The following MTA3 variants were observed in gnomAD, a reference collection of about 807,000 sequenced individuals.
The protein encoded by MTA3 is metastasis-associated protein MTA3.
In MTA3, 34 loss-of-function variants were observed where a neutral mutation model predicts 83.5. That is an observed-to-expected ratio of 0.41 (90% CI 0.31 to 0.54). The LOEUF (loss-of-function observed/expected upper bound fraction) is 0.54. Among genes scored for constraint, MTA3 ranks in the 20% least tolerant of loss-of-function variants. MTA3 has a pLI of 0.33. For missense variants in MTA3, 761 were observed against 726.4 expected (o/e 1.05, Z -0.55); for synonymous variants, 303 against 252.7 (o/e 1.20, Z -1.89).
chr2:42,540,601 G>A (rs375391089), intron 2 of MTA3, among the ~76,000 whole-genome samples: 15 of 152,054 alleles, frequency 9.9e-5, no homozygotes, highest in African/African-American at 3.1e-4. Context: ...TTGGAAGGCC[G>A]AGGCAGGAGG....
In MTA3 at chr2:42,729,095, T is replaced by G. The variant is rs986585172; in HGVS notation, c.1759+6060T>G. Reference sequence around the variant, plus strand: ...TAGTTTCACAGTTTGAGTTTTTTTTTTTTTTTTTTTTTTTTTTTCACAGAG... The same window carrying G: ...TAGTTTCACAGTTTGAGTTTTTTTTGTTTTTTTTTTTTTTTTTTCACAGAG... On this transcript the variant is annotated intron_variant, in intron 16 of 16. Transcript: ENST00000405094. Among the ~76,000 whole-genome samples, 2 of 119,680 alleles carry G rather than the reference T, an allele frequency of 1.7e-5. 1 individual carries two copies. The highest frequency in any genetic ancestry group is 3.5e-5 in the Non-Finnish European group (2 of 57,938). The allele number at this position is 119,680 out of a possible 152,430, so 78.5% of individuals were successfully genotyped here. A position where few individuals can be genotyped will look rare whatever the true frequency, so the allele number is the denominator to read the frequency against.
chr2:42,611,318 C>T (rs1290037198), intron 4 of MTA3, among the ~76,000 whole-genome samples: 2 of 113,330 alleles, frequency 1.8e-5, no homozygotes, highest in African/African-American at 3.9e-5. Flanking sequence ...TGGTACTTAA[C>T]ACATACACAC....
rs113084761 is a variant in MTA3 at position 42,592,282 on chromosome 2, C to G, written c.190+13082C>G. The stretch of plus-strand genomic sequence containing the variant: ...ATCTCAAAAACAAAACAAAACAAAA[C>G]AAAAAACCAATTCATTTATGGCTGG... On this transcript the variant is annotated intron_variant, in intron 3 of 16. Transcript: ENST00000405094. 8.8e-3 allele frequency among the ~76,000 whole-genome samples: 1,330 copies of G among 151,518 alleles called. 25 individuals carry two copies. Among genetic ancestry groups the G allele is most frequent in the African/African-American group, 0.031 (1,262 of 41,376 alleles).
At chr2:42,574,435 C>CA (rs1295979387) in intron 2 of MTA3, among the ~76,000 whole-genome samples, 4 of 148,152 alleles carry the variant, frequency 2.7e-5, no homozygotes, top group Non-Finnish European at 4.5e-5. Context: ...CTCCTTTTCT[C>CA]AAAATAACTG....
chr2:42,642,320 A>G (rs1471092068), intron 5 of MTA3, among the ~76,000 whole-genome samples: 2 of 152,100 alleles, frequency 1.3e-5, no homozygotes, highest in Non-Finnish European at 2.9e-5. Flanking sequence ...CCATGCTAAT[A>G]GGTTTTACAG....
chr2:42,595,355 C>A (rs1388732338), intron 3 of MTA3, among the ~76,000 whole-genome samples: 1 of 151,908 alleles, frequency 6.6e-6, no homozygotes, highest in African/African-American at 2.4e-5. Flanking sequence ...CGTGATCTGC[C>A]TGCCTCGGCC....
At chr2:42,723,190 C>A in intron 16 of MTA3, 155 bp downstream of exon 16, 1 of 909,222 alleles carries the variant, frequency 1.1e-6, no homozygotes, top group Non-Finnish European at 1.6e-6. Flanking sequence ...AGCCATATGC[C>A]ACATTTTGCC....
chr2:42,751,432 A>G (rs1428845546), intron 16 of MTA3, among the ~76,000 whole-genome samples: 1 of 152,204 alleles, frequency 6.6e-6, no homozygotes, highest in Non-Finnish European at 1.5e-5. Flanking sequence ...TGCCTGTGCT[A>G]CTGTGCTGAG....
chr2:42,717,603 C>T (rs1446556333), intron 14 of MTA3, among the ~76,000 whole-genome samples: 1 of 152,068 alleles, frequency 6.6e-6, no homozygotes, highest in East Asian at 1.9e-4. Flanking sequence ...TAGCTAATAC[C>T]CATCCTCACT....
At chr2:42,738,268 C>G (rs1354492599) in intron 16 of MTA3, among the ~76,000 whole-genome samples, 1 of 151,980 alleles carries the variant, frequency 6.6e-6, no homozygotes, top group Non-Finnish European at 1.5e-5. Flanking sequence ...AGTCAGGGAC[C>G]CCAAACAGAG....
chr2:42,600,190 T>C (rs559746654), intron 3 of MTA3, among the ~76,000 whole-genome samples: 1 of 152,234 alleles, frequency 6.6e-6, no homozygotes, highest in Admixed American at 6.5e-5. Flanking sequence ...AGAGCGAGAC[T>C]CTGTCTCAAA....
At chr2:42,577,091 T>TAAAAAAAA (rs1173783991) in intron 2 of MTA3, among the ~76,000 whole-genome samples, 1,296 of 18,672 alleles carry the variant, frequency 0.069, 64 homozygotes, top group Non-Finnish European at 0.076. Flanking sequence ...GTACTCCATC[T>TAAAAAAAA]AAAAAAAAAA....
chr2:42,580,061 A>G (rs1168824425), intron 3 of MTA3, among the ~76,000 whole-genome samples: 1 of 152,100 alleles, frequency 6.6e-6, no homozygotes, highest in African/African-American at 2.4e-5. Flanking sequence ...CCCCCACCTC[A>G]GCCTCCAGAG....
intron 11 of MTA3, 158 bp from the exon 12 acceptor site, chr2:42,704,036 T>G: frequency 1.3e-6 from 1 of 771,356 alleles, no homozygotes. Context: ...TAGTGTGAGT[T>G]CATTTAACAC....
At chr2:42,718,934 C>G (rs1168680324) in intron 14 of MTA3, 54 bp from the exon 15 acceptor site, 2 of 1,321,974 alleles carry the variant, frequency 1.5e-6, no homozygotes, top group African/African-American at 1.5e-5. Context: ...TGCATGTAGT[C>G]TGGCTAGAGA....
intron 3 of MTA3, among the ~76,000 whole-genome samples, chr2:42,601,216 T>G (rs1307704046): frequency 6.6e-6 from 1 of 152,194 alleles, no homozygotes; most frequent in African/African-American, 2.4e-5. Context: ...TTTTTTATTA[T>G]TATAAATCAA....
chr2:42,576,362 G>A (rs1319720188), intron 2 of MTA3, among the ~76,000 whole-genome samples: 2 of 152,242 alleles, frequency 1.3e-5, no homozygotes, highest in Non-Finnish European at 1.5e-5. Context: ...GGAACCATGG[G>A]AAGAGAGGAC....
chr2:42,648,404 A>G lies in MTA3; in HGVS notation c.499+4160A>G, dbSNP rs539003911. 2.0e-5 allele frequency among the ~76,000 whole-genome samples: 3 copies of G among 152,284 alleles called. No individual in the cohort carries two copies. The South Asian group carries it at 6.2e-4, about 32-fold the overall frequency. On this transcript the variant is annotated intron_variant, in intron 6 of 16. Coordinates refer to ENST00000405094, the MANE Select transcript of MTA3 (RefSeq NM_001330442.2). ...CATTTCCACCAGTGGCCAGATTCTAATTTGCATTGGCATGGAATGTAGAAC... is the reference window on the plus strand; with the variant it reads ...CATTTCCACCAGTGGCCAGATTCTAGTTTGCATTGGCATGGAATGTAGAAC...
chr2:42,511,824 C>T (rs1674912695), intron 2 of MTA3: 4 of 152,298 alleles, frequency 2.6e-5, no homozygotes, highest in South Asian at 2.1e-4. Flanking sequence ...TGAGACCATC[C>T]TAGCTAACAC....
Sources: gnomAD v4.1 joint callset for allele counts (sites outside exome capture counted in the v4.1 genomes callset) on GRCh38, gnomAD v4.1.1 for gene constraint, MANE v1.5 for transcripts, NCBI Gene and HGNC (gene_info 2026-07-23, HGNC 2026-07-21) for gene names.